Variants in MARK1 observed in about 807,000 individuals in gnomAD.
MARK1 encodes microtubule affinity regulating kinase 1, also known as serine/threonine-protein kinase MARK1.
Under a neutral mutation model 96.3 loss-of-function variants are expected in MARK1, and 40 were observed. The ratio of observed to expected loss-of-function variants is 0.42; its 90% CI spans 0.32 to 0.54. The LOEUF is 0.54. MARK1 is among the 20% of genes least tolerant of loss of function. MARK1 has a pLI of 0.16. For synonymous variants in MARK1, 317 were observed against 341.2 expected (o/e 0.93, Z 0.78); for missense variants, 719 against 984.6 (o/e 0.73, Z 3.61).
At chr1:220,567,605 A>T (rs895100946) in intron 1 of MARK1, among the ~76,000 whole-genome samples, 12 of 152,156 alleles carry the variant, frequency 7.9e-5, no homozygotes, top group African/African-American at 2.9e-4. Context: ...TTTTTCTGAT[A>T]TCAGAAATAT....
chr1:220,528,827 C>A lies in MARK1; in HGVS notation c.5C>A (p.Ser2Ter), dbSNP rs867845427. The A allele has an allele frequency of 6.4e-7, 1 of 1,560,400 alleles. No homozygotes were observed. The part of the protein sequence containing the change: M[S>*]ARTPLPTVNE... Reference sequence around the variant, plus strand: ...AGACCCCGCTGCCCGCACAAAATGTCGGCCCGGACGCCATTGCCGACGGTG... The same window carrying A: ...AGACCCCGCTGCCCGCACAAAATGTAGGCCCGGACGCCATTGCCGACGGTG... The change falls in exon 1 of 18, where the codon TCG (serine) becomes TAG (stop). Residue 2 changes from serine to a stop codon, truncating the protein, a stop_gained. Transcript: ENST00000366917. LOFTEE classifies it high-confidence loss of function.
chr1:220,528,571 G>T lies in MARK1; in HGVS notation c.-252G>T, dbSNP rs1025792329. On this transcript the variant is annotated 5_prime_UTR_variant, in exon 1 of 18. Transcript: ENST00000366917. ...CCCGCCAGCGCCGGGCAACCGCCTC[G>T]CCCGAAGCCCTCCCTCGTTACTGTC... is the stretch of plus-strand genomic sequence containing the variant. The T allele has an allele frequency of 6.5e-4, 298 of 460,656 alleles. 1 individual carries two copies. Among genetic ancestry groups the T allele is most frequent in the Non-Finnish European group, 3.9e-4 (101 of 262,216 alleles). 28.5% of individuals were successfully genotyped at this position (460,656 alleles called of 1,614,324 possible).
At chr1:220,607,097 A>G (rs970444966) in intron 6 of MARK1, among the ~76,000 whole-genome samples, 1 of 152,154 alleles carries the variant, frequency 6.6e-6, no homozygotes, top group Admixed American at 6.5e-5. Flanking sequence ...CATTGAATCT[A>G]TAAATTACCT....
rs1660033487 is a variant in MARK1 at position 220,528,181 on chromosome 1, C to T, written c.-642C>T. On this transcript the variant is annotated 5_prime_UTR_variant, in exon 1 of 18. Transcript: ENST00000366917. ...TGCCTCTGGGCGCTGCGTGCCGCGC[C>T]CGCTGCTCCGCGCGCAGCCGGCTCG... The T allele has an allele frequency of 6.6e-6, 1 of 150,542 alleles. No homozygotes were observed. The highest frequency in any genetic ancestry group is 1.5e-5 in the Non-Finnish European group (1 of 67,476). The allele number at this position is 150,542 out of a possible 1,614,324, so 9.3% of individuals were successfully genotyped here.
intron 7 of MARK1, among the ~76,000 whole-genome samples, chr1:220,617,404 GT>G (rs1299191303): frequency 1.3e-5 from 2 of 152,122 alleles, no homozygotes; most frequent in African/African-American, 4.8e-5. Context: ...GGACCTTCCA[GT>G]AATATAGAGA....
chr1:220,663,876 C>T lies in MARK1; in HGVS notation c.*1710C>T, dbSNP rs1023000177. ...ATCTTTATTCACTTTCACTGGTGCA[C>T]ACTGAAATTTTACTTGAACAGTTCT... On this transcript the variant is annotated 3_prime_UTR_variant, in exon 18 of 18. Transcript: ENST00000366917. 3.3e-5 allele frequency: 5 copies of T among 152,428 alleles called. No homozygotes were observed. In the South Asian group the frequency reaches 8.3e-4, roughly 25 times the overall value. 9.4% of individuals were successfully genotyped at this position (152,428 alleles called of 1,614,324 possible).
chr1:220,635,323 ACTT>A, intron 11 of MARK1, 50 bp from the exon 12 acceptor site: 1 of 1,206,192 alleles, frequency 8.3e-7, no homozygotes, highest in Non-Finnish European at 1.2e-6. Flanking sequence ...GTTTGTGCAA[ACTT>A]TTTTTTTTTT....
At chr1:220,644,054 A>G (rs770202854) in intron 13 of MARK1, among the ~76,000 whole-genome samples, 1 of 152,222 alleles carries the variant, frequency 6.6e-6, no homozygotes, top group Non-Finnish European at 1.5e-5. Context: ...GACAGGATCA[A>G]ATTAACACAT....
chr1:220,551,743 A>G (rs1661873598), intron 1 of MARK1, among the ~76,000 whole-genome samples: 1 of 152,234 alleles, frequency 6.6e-6, no homozygotes, highest in Admixed American at 6.5e-5. Context: ...GTGTATTTAC[A>G]GCAAAATAAG....
intron 5 of MARK1, 91 bp from the exon 6 acceptor site, chr1:220,603,976 C>G: frequency 1.4e-6 from 1 of 728,182 alleles, no homozygotes; most frequent in East Asian, 2.8e-5. Context: ...CCAAAAGTTT[C>G]TTTATAAACA....
At chr1:220,633,520 A>G (rs570098869) in intron 11 of MARK1, among the ~76,000 whole-genome samples, 1 of 152,306 alleles carries the variant, frequency 6.6e-6, no homozygotes, top group African/African-American at 2.4e-5. Flanking sequence ...AGGACGAGAA[A>G]GTCTCTGCTC....
chr1:220,556,522 A>G (rs1207675275), intron 1 of MARK1, among the ~76,000 whole-genome samples: 5 of 146,790 alleles, frequency 3.4e-5, no homozygotes, highest in Admixed American at 2.0e-4. Flanking sequence ...TACAGATTTC[A>G]TGAGGAAACT....
chr1:220,610,860 G>T (rs551793799), intron 6 of MARK1, among the ~76,000 whole-genome samples: 143 of 152,294 alleles, frequency 9.4e-4, no homozygotes, highest in African/African-American at 3.2e-3. Flanking sequence ...TCCAGACCCT[G>T]TTTGCCTGGG....
At chr1:220,636,806 G>A (rs1667988741) in intron 13 of MARK1, among the ~76,000 whole-genome samples, 1 of 151,990 alleles carries the variant, frequency 6.6e-6, no homozygotes, top group African/African-American at 2.4e-5. Flanking sequence ...GGGAGGCTGA[G>A]GCAGGAGAAT....
At position 220,651,196 on chromosome 1, in the gene MARK1, A is replaced by G. The variant is rs578137277; in HGVS notation, c.1571+476A>G. Among the ~76,000 whole-genome samples the G allele has an allele frequency of 5.9e-5, 9 of 152,288 alleles. No individual in the cohort carries two copies. The South Asian group carries it at 6.2e-4, about 11-fold the overall frequency. The stretch of plus-strand genomic sequence containing the variant: ...TTTATTTCAAATAATAATAAATCAT[A>G]TTATTTTTATTACTTAAAAGATGTG... On this transcript the variant is annotated intron_variant, in intron 14 of 17. Coordinates refer to ENST00000366917, the MANE Select transcript of MARK1 (RefSeq NM_018650.5).
At chr1:220,590,005 A>G (rs890223141) in intron 3 of MARK1, among the ~76,000 whole-genome samples, 1 of 152,196 alleles carries the variant, frequency 6.6e-6, no homozygotes, top group African/African-American at 2.4e-5. Context: ...AAGTGTGAAG[A>G]TTGGCACCTT....
chr1:220,537,123 A>G (rs151098351), intron 1 of MARK1, among the ~76,000 whole-genome samples: 2,348 of 150,300 alleles, frequency 0.016, 33 homozygotes, highest in Middle Eastern at 0.044. Context: ...GTTTTAGGGT[A>G]CATGTGCACA....
At chr1:220,582,954 A>T (rs920645903) in intron 3 of MARK1, among the ~76,000 whole-genome samples, 1 of 152,142 alleles carries the variant, frequency 6.6e-6, no homozygotes, top group Non-Finnish European at 1.5e-5. Flanking sequence ...ATGTTGATAG[A>T]TTTGCTTTCT....
chr1:220,534,437 C>G (rs79125973), intron 1 of MARK1, among the ~76,000 whole-genome samples: 67 of 152,218 alleles, frequency 4.4e-4, no homozygotes, highest in Non-Finnish European at 9.1e-4. Context: ...TCTTCATCCT[C>G]CCCTTCCTAC....
Sources: gnomAD v4.1 joint callset for allele counts (sites outside exome capture counted in the v4.1 genomes callset) on GRCh38, gnomAD v4.1.1 for gene constraint, MANE v1.5 for transcripts, NCBI Gene and HGNC (gene_info 2026-07-23, HGNC 2026-07-21) for gene names.